Variants in MAPK14 observed in about 807,000 individuals in gnomAD.
MAPK14 encodes CSAID-binding protein.
Under a neutral mutation model 49.6 loss-of-function variants are expected in MAPK14, and 16 were observed. That is an observed-to-expected ratio of 0.32 (90% CI 0.22 to 0.49). The LOEUF is 0.49. Ranked by LOEUF, MAPK14 falls within the 20% of genes least tolerant of loss-of-function variation. MAPK14 has a pLI of 0.99. For missense variants in MAPK14, 200 were observed against 441.2 expected (o/e 0.45, Z 4.90); for synonymous variants, 142 against 158.0 (o/e 0.90, Z 0.76).
chr6:36,034,524 G>A (rs1296720769), intron 1 of MAPK14, among the ~76,000 whole-genome samples: 2 of 152,202 alleles, frequency 1.3e-5, no homozygotes, highest in East Asian at 3.8e-4. Flanking sequence ...AATTACTGCA[G>A]TGCTCAGAAA....
chr6:36,061,535 T>C (rs546529147), intron 3 of MAPK14, among the ~76,000 whole-genome samples: 20 of 152,356 alleles, frequency 1.3e-4, no homozygotes, highest in African/African-American at 4.8e-4. Flanking sequence ...TCTTTCTATT[T>C]AACTCTAGCT....
intron 8 of MAPK14, among the ~76,000 whole-genome samples, chr6:36,089,896 A>G (rs985698293): frequency 1.3e-5 from 2 of 152,238 alleles, no homozygotes; most frequent in African/African-American, 4.8e-5. Flanking sequence ...AGAAAGTTTT[A>G]TAGCCCTGTT....
chr6:36,089,376 G>C (rs1276552045), intron 8 of MAPK14, among the ~76,000 whole-genome samples: 1 of 152,154 alleles, frequency 6.6e-6, no homozygotes, highest in Admixed American at 6.5e-5. Context: ...GCTGGGGCCT[G>C]TTGGTGGGGT....
the MAPK14 span, among the ~76,000 whole-genome samples, chr6:36,124,103 T>G: frequency 1.3e-5 from 1 of 75,054 alleles, no homozygotes. Flanking sequence ...TTGTCTCTCT[T>G]TCTCTCTCTC....
At chr6:36,093,495 G>A (rs1765323314) in intron 8 of MAPK14, among the ~76,000 whole-genome samples, 1 of 152,052 alleles carries the variant, frequency 6.6e-6, no homozygotes, top group South Asian at 2.1e-4. Flanking sequence ...CGAGGCAGGC[G>A]GATCATGAGG....
chr6:36,100,263 A>G lies in MAPK14; in HGVS notation c.763-2308A>G, dbSNP rs1476102209. On this transcript the variant is annotated intron_variant, in intron 9 of 11. Coordinates refer to ENST00000229794, the MANE Select transcript of MAPK14 (RefSeq NM_139012.3). The stretch of plus-strand genomic sequence containing the variant: ...TATCTCATTAACAGGATGCCAAGCC[A>G]TGAGGTGAGAACAAAGAGACTGTAC... 1.9e-6 allele frequency: 3 copies of G among 1,611,872 alleles called. No homozygotes were observed. Among genetic ancestry groups the G allele is most frequent in the Non-Finnish European group, 2.5e-6 (3 of 1,177,938 alleles).
At chr6:36,106,308 A>G (rs377583187) in intron 10 of MAPK14, among the ~76,000 whole-genome samples, 7 of 152,188 alleles carry the variant, frequency 4.6e-5, no homozygotes, top group African/African-American at 9.7e-5. Context: ...ATCCCGAGAA[A>G]CGGTCATTCT....
At chr6:36,116,896 G>T in the MAPK14 span, among the ~76,000 whole-genome samples, 15 of 152,118 alleles carry the variant, frequency 9.9e-5, no homozygotes, top group African/African-American at 3.4e-4. Context: ...TCTCAGTCAC[G>T]TTACAACTGA....
At chr6:36,118,167 C>G in the MAPK14 span, among the ~76,000 whole-genome samples, 1 of 152,136 alleles carries the variant, frequency 6.6e-6, no homozygotes, top group South Asian at 2.1e-4. Flanking sequence ...TGGCTGATGG[C>G]CATAATCTAG....
chr6:36,055,690 G>T (rs1763565673), intron 2 of MAPK14, among the ~76,000 whole-genome samples: 1 of 151,658 alleles, frequency 6.6e-6, no homozygotes, highest in Admixed American at 6.6e-5. Flanking sequence ...CTAGCACTTT[G>T]GGAGGCCAAG....
chr6:36,095,901 C>CTGTT, intron 8 of MAPK14, 86 bp from the exon 9 acceptor site: 1 of 834,120 alleles, frequency 1.2e-6, no homozygotes, highest in South Asian at 1.5e-5. Context: ...TCGGTGTGTT[C>CTGTT]TGTTTGTTTG....
chr6:36,049,328 C>G (rs1301905060), intron 1 of MAPK14, among the ~76,000 whole-genome samples: 2 of 151,980 alleles, frequency 1.3e-5, no homozygotes, highest in African/African-American at 4.8e-5. Flanking sequence ...CCTTTCTTTT[C>G]TTTTTTCCTT....
At position 36,067,515 on chromosome 6, in the gene MAPK14, T is replaced by G. The variant is rs1764107488; in HGVS notation, c.306-5358T>G. 1.3e-5 allele frequency among the ~76,000 whole-genome samples: 2 copies of G among 152,204 alleles called. 1 individual carries two copies. The highest frequency in any genetic ancestry group is 4.1e-4 in the South Asian group (2 of 4,830). Reference sequence around the variant, plus strand: ...ATAACTGGTTGATGATTTGGTTGTCTGAAAGCATGCTCAGTGCTCTCTCCT... The same window carrying G: ...ATAACTGGTTGATGATTTGGTTGTCGGAAAGCATGCTCAGTGCTCTCTCCT... On this transcript the variant is annotated intron_variant, in intron 3 of 11. Coordinates refer to ENST00000229794, the MANE Select transcript of MAPK14 (RefSeq NM_139012.3).
chr6:36,116,416 G>A, the MAPK14 span, among the ~76,000 whole-genome samples: 1 of 151,952 alleles, frequency 6.6e-6, no homozygotes, highest in Non-Finnish European at 1.5e-5. Flanking sequence ...TGTGATCCTG[G>A]GAAATGTAAG....
chr6:36,072,372 T>C (rs1764337161), intron 3 of MAPK14, among the ~76,000 whole-genome samples: 1 of 151,866 alleles, frequency 6.6e-6, no homozygotes, highest in South Asian at 2.1e-4. Flanking sequence ...GAAAATGAGG[T>C]AATGAGGTGC....
chr6:36,048,103 G>T (rs1018470232), intron 1 of MAPK14, among the ~76,000 whole-genome samples: 2 of 150,876 alleles, frequency 1.3e-5, no homozygotes, highest in Non-Finnish European at 3.0e-5. Context: ...GTGCAGTGAT[G>T]CAATCTCGGC....
intron 3 of MAPK14, among the ~76,000 whole-genome samples, chr6:36,067,421 A>G (rs1284657671): frequency 6.6e-6 from 1 of 151,758 alleles, no homozygotes; most frequent in East Asian, 1.9e-4. Context: ...CTGCATCCCC[A>G]GGGCCCAGAA....
At chr6:36,045,939 T>C (rs1156523339) in intron 1 of MAPK14, among the ~76,000 whole-genome samples, 1 of 152,140 alleles carries the variant, frequency 6.6e-6, no homozygotes, top group Non-Finnish European at 1.5e-5. Context: ...AATTCCAGTC[T>C]GCTTTAAATC....
chr6:36,059,997 T>C (rs547651858), intron 3 of MAPK14, among the ~76,000 whole-genome samples: 2 of 152,204 alleles, frequency 1.3e-5, no homozygotes, highest in Non-Finnish European at 2.9e-5. Flanking sequence ...AAAGGCTTCT[T>C]CTCTCAGCTT....
Sources: gnomAD v4.1 joint callset for allele counts (sites outside exome capture counted in the v4.1 genomes callset) on GRCh38, gnomAD v4.1.1 for gene constraint, MANE v1.5 for transcripts, NCBI Gene and HGNC (gene_info 2026-07-23, HGNC 2026-07-21) for gene names.